CNTNAP2: variants seen among roughly 807,000 people sequenced by gnomAD.
CNTNAP2 encodes contactin associated protein 2.
In CNTNAP2, 98 loss-of-function variants were observed where a neutral mutation model predicts 155.2. That is an observed-to-expected ratio of 0.63 (90% CI 0.54 to 0.75). The LOEUF (loss-of-function observed/expected upper bound fraction) is 0.75. Among genes scored for constraint, CNTNAP2 ranks in the 30% least tolerant of loss-of-function variants. The pLI is 0.00. For synonymous variants in CNTNAP2, 651 were observed against 631.2 expected, an observed-to-expected ratio of 1.03 and a Z score of -0.47; for missense variants, 1,727 against 1,688.1, an observed-to-expected ratio of 1.02 and a Z score of -0.40.
At chr7:148,048,639 G>A (rs1802821276) in intron 15 of CNTNAP2, among the ~76,000 whole-genome samples, 2 of 152,104 alleles carry the variant, frequency 1.3e-5, no homozygotes, top group East Asian at 1.9e-4. Flanking sequence ...GAGATAGAGG[G>A]GAATTCGAGA....
intron 1 of CNTNAP2, among the ~76,000 whole-genome samples, chr7:146,164,357 TG>T (rs926928749): frequency 1.3e-5 from 2 of 152,050 alleles, no homozygotes; most frequent in East Asian, 3.9e-4. Flanking sequence ...GATGAATTAC[TG>T]TTTTTTTTGT....
chr7:148,180,226 A>G (rs1795013163), intron 18 of CNTNAP2, among the ~76,000 whole-genome samples: 1 of 152,192 alleles, frequency 6.6e-6, no homozygotes, highest in Non-Finnish European at 1.5e-5. Flanking sequence ...AACTTTTCAC[A>G]GGCTTCTTTT....
At chr7:147,050,336 G>A (rs142244680) in intron 4 of CNTNAP2, among the ~76,000 whole-genome samples, 20 of 152,236 alleles carry the variant, frequency 1.3e-4, no homozygotes, top group Non-Finnish European at 2.4e-4. Flanking sequence ...AGTACTGAGC[G>A]TTTTTGATGG....
intron 22 of CNTNAP2, among the ~76,000 whole-genome samples, chr7:148,388,295 T>TC (rs1217051873): frequency 1.8e-5 from 1 of 56,268 alleles, no homozygotes; most frequent in Non-Finnish European, 3.3e-5. Flanking sequence ...CCCTCCCCCC[T>TC]CCCCCCACCC....
intron 4 of CNTNAP2, among the ~76,000 whole-genome samples, chr7:147,090,322 C>CGTGTGTGTGTGTGTGTGT (rs146882206): frequency 7.1e-6 from 1 of 141,812 alleles, no homozygotes; most frequent in African/African-American, 2.5e-5. Flanking sequence ...AACATATAAG[C>CGTGTGTGTGTGTGTGTGT]GTGTGTGTGT....
At chr7:147,280,191 G>C (rs578074217) in intron 8 of CNTNAP2, among the ~76,000 whole-genome samples, 3 of 151,932 alleles carry the variant, frequency 2.0e-5, no homozygotes, top group Non-Finnish European at 2.9e-5. Flanking sequence ...ACAGTGAAAA[G>C]AGGTGTCTAG....
At chr7:147,219,836 C>T (rs561116597) in intron 8 of CNTNAP2, among the ~76,000 whole-genome samples, 85 of 152,172 alleles carry the variant, frequency 5.6e-4, no homozygotes, top group South Asian at 5.2e-3. Context: ...AGTGCAGTGG[C>T]GCCATCTCGG....
At position 147,195,812 on chromosome 7, in the gene CNTNAP2, G is replaced by A. The variant is rs545959787; in HGVS notation, c.1348+63303G>A. Among the ~76,000 whole-genome samples, 4 of 152,094 alleles carry A rather than the reference G, an allele frequency of 2.6e-5. No homozygotes were observed. In the South Asian group the frequency reaches 6.2e-4, roughly 24 times the overall value. The stretch of plus-strand genomic sequence containing the variant: ...TGCTTATCAATTTAAGGAGTTTTTG[G>A]TATGAGATGATGGGGTTTTAAGAGG... On this transcript the variant is annotated intron_variant, in intron 8 of 23. Transcript: ENST00000361727.
intron 9 of CNTNAP2, among the ~76,000 whole-genome samples, chr7:147,336,229 T>A (rs1434816775): frequency 6.6e-6 from 1 of 152,054 alleles, no homozygotes; most frequent in Non-Finnish European, 1.5e-5. Flanking sequence ...TTATTTACAA[T>A]CAAGAACCTG....
At chr7:148,407,703 T>TAAAAAA (rs57666141) in intron 22 of CNTNAP2, among the ~76,000 whole-genome samples, 13,768 of 90,792 alleles carry the variant, frequency 0.15, 1,117 homozygotes, top group Non-Finnish European at 0.21. Context: ...GACCAAATCT[T>TAAAAAA]AAAAAAAAAA....
At chr7:147,435,389 G>A (rs1196442778) in intron 10 of CNTNAP2, among the ~76,000 whole-genome samples, 1 of 152,190 alleles carries the variant, frequency 6.6e-6, no homozygotes, top group Non-Finnish European at 1.5e-5. Context: ...GGGCTTGATT[G>A]CTAGAGTAGG....
intron 1 of CNTNAP2, among the ~76,000 whole-genome samples, chr7:146,219,755 C>T (rs956850447): frequency 6.6e-6 from 1 of 152,200 alleles, no homozygotes; most frequent in Admixed American, 6.5e-5. Context: ...TTTTAACATA[C>T]TGTGACCAAT....
At chr7:147,681,330 A>G (rs115971591) in intron 13 of CNTNAP2, among the ~76,000 whole-genome samples, 1 of 152,044 alleles carries the variant, frequency 6.6e-6, no homozygotes, top group South Asian at 2.1e-4. Context: ...AATAAATATC[A>G]TTCTTCCTGA....
intron 8 of CNTNAP2, among the ~76,000 whole-genome samples, chr7:147,236,976 C>T (rs1803819659): frequency 6.7e-6 from 1 of 148,778 alleles, no homozygotes; most frequent in Non-Finnish European, 1.5e-5. Context: ...TTGTCAAAAA[C>T]ATGATGACTT....
chr7:146,780,839 G>C (rs888026358), intron 2 of CNTNAP2, among the ~76,000 whole-genome samples: 2 of 152,086 alleles, frequency 1.3e-5, no homozygotes, highest in Non-Finnish European at 2.9e-5. Context: ...CATGGACACA[G>C]GGACGGGAAC....
chr7:147,189,215 A>G (rs1802630113), intron 8 of CNTNAP2, among the ~76,000 whole-genome samples: 1 of 152,230 alleles, frequency 6.6e-6, no homozygotes, highest in East Asian at 1.9e-4. Context: ...AAAATTTTAT[A>G]TTATAAAACT....
intron 1 of CNTNAP2, among the ~76,000 whole-genome samples, chr7:146,541,799 G>A (rs916498861): frequency 6.6e-5 from 10 of 151,902 alleles, no homozygotes; most frequent in Admixed American, 3.3e-4. Flanking sequence ...AAAGGCAATA[G>A]GAATCTTGCA....
intron 9 of CNTNAP2, among the ~76,000 whole-genome samples, chr7:147,329,770 GT>G (rs1563163095): frequency 1.3e-5 from 2 of 151,762 alleles, no homozygotes; most frequent in Non-Finnish European, 2.9e-5. Context: ...GCCATTTATA[GT>G]TCTTAATTTA....
At chr7:146,155,005 TA>T (rs1226087312) in intron 1 of CNTNAP2, among the ~76,000 whole-genome samples, 1 of 152,218 alleles carries the variant, frequency 6.6e-6, no homozygotes, top group Non-Finnish European at 1.5e-5. Context: ...AGATAATATT[TA>T]TTGGTTTGCA....
Sources: gnomAD v4.1 joint callset for allele counts (sites outside exome capture counted in the v4.1 genomes callset) on GRCh38, gnomAD v4.1.1 for gene constraint, MANE v1.5 for transcripts, NCBI Gene and HGNC (gene_info 2026-07-23, HGNC 2026-07-21) for gene names.